The following CIMIP2C variants were observed in gnomAD, a reference collection of about 807,000 sequenced individuals.
CIMIP2C encodes the protein ciliary microtubule inner protein 2C.
chr2:26,577,455 GGTGCCTGTGGTCA>G, the CIMIP2C span: 1 of 1,427,122 alleles, frequency 7.0e-7, no homozygotes, highest in African/African-American at 1.4e-5. Context: ...ATGGACTGCA[GGTGCCTGTGGTCA>G]GTCCTGTGCA....
At chr2:26,562,592 C>G in the CIMIP2C span, 1 of 1,561,138 alleles carries the variant, frequency 6.4e-7, no homozygotes. Context: ...GCGCCAGGCT[C>G]GCTGTACTCG....
chr2:26,579,193 T>G, the CIMIP2C span: 18 of 1,432,410 alleles, frequency 1.3e-5, no homozygotes, highest in Admixed American at 2.0e-5. Context: ...AGCCGGCAGG[T>G]CAGCTTGAGC....
the CIMIP2C span, chr2:26,577,492 A>G: frequency 1.9e-6 from 3 of 1,603,856 alleles, no homozygotes; most frequent in African/African-American, 1.3e-5. Flanking sequence ...ACAACCTGTC[A>G]TCTCTTCCTT....
At chr2:26,572,257 C>A in the CIMIP2C span, 2 of 1,112,214 alleles carry the variant, frequency 1.8e-6, no homozygotes, top group Non-Finnish European at 2.5e-6. Context: ...CTGTAACTAG[C>A]ATTCACCTAG....
At chr2:26,575,898 G>T in the CIMIP2C span, 2 of 1,611,308 alleles carry the variant, frequency 1.2e-6, no homozygotes, top group African/African-American at 1.3e-5. Context: ...ACCGTGATCG[G>T]CAGGTACCAG....
chr2:26,577,457 T>G, the CIMIP2C span: 1 of 1,435,662 alleles, frequency 7.0e-7, no homozygotes, highest in African/African-American at 1.4e-5. Context: ...GGACTGCAGG[T>G]GCCTGTGGTC....
At chr2:26,565,951 G>C in the CIMIP2C span, among the ~76,000 whole-genome samples, 1 of 152,226 alleles carries the variant, frequency 6.6e-6, no homozygotes, top group Non-Finnish European at 1.5e-5. Flanking sequence ...CCTACGCCTG[G>C]CCTGGGTGCT....
At chr2:26,570,386 G>T in the CIMIP2C span, among the ~76,000 whole-genome samples, 1 of 152,244 alleles carries the variant, frequency 6.6e-6, no homozygotes, top group Non-Finnish European at 1.5e-5. Flanking sequence ...TGCCCCCAGA[G>T]TTTCTGGAAT....
At chr2:26,572,878 C>G in the CIMIP2C span, among the ~76,000 whole-genome samples, 1 of 152,258 alleles carries the variant, frequency 6.6e-6, no homozygotes, top group South Asian at 2.1e-4. Context: ...CTCCCCTCCA[C>G]GTGGGAGGAG....
At chr2:26,570,229 G>A in the CIMIP2C span, among the ~76,000 whole-genome samples, 5 of 152,180 alleles carry the variant, frequency 3.3e-5, no homozygotes, top group Non-Finnish European at 7.4e-5. Context: ...GCTTGGGGGC[G>A]GAGAGAAGAA....
At chr2:26,574,431 C>T in the CIMIP2C span, among the ~76,000 whole-genome samples, 3 of 148,190 alleles carry the variant, frequency 2.0e-5, no homozygotes, top group African/African-American at 7.5e-5. Flanking sequence ...CAGTTTCTGA[C>T]TTGGATGGCT....
chr2:26,572,176 C>T, the CIMIP2C span: 1 of 1,514,544 alleles, frequency 6.6e-7, no homozygotes, highest in Non-Finnish European at 8.8e-7. Flanking sequence ...ATCTCCCCTC[C>T]ACCCACCCCC....
chr2:26,570,040 G>A, the CIMIP2C span, among the ~76,000 whole-genome samples: 1 of 152,186 alleles, frequency 6.6e-6, no homozygotes, highest in Non-Finnish European at 1.5e-5. Flanking sequence ...ATGTGAACCT[G>A]CCCATGTGTG....
the CIMIP2C span, among the ~76,000 whole-genome samples, chr2:26,570,207 G>A: frequency 1.3e-5 from 2 of 152,364 alleles, no homozygotes; most frequent in South Asian, 4.1e-4. Flanking sequence ...CAGAGGAGGA[G>A]TATGGCAGAG....
At chr2:26,570,118 G>A in the CIMIP2C span, among the ~76,000 whole-genome samples, 1 of 152,246 alleles carries the variant, frequency 6.6e-6, no homozygotes, top group African/African-American at 2.4e-5. Context: ...CAGAACTCAG[G>A]AGGATTGCGG....
chr2:26,562,815 G>T, the CIMIP2C span: 1 of 781,282 alleles, frequency 1.3e-6, no homozygotes, highest in African/African-American at 1.8e-5. Flanking sequence ...CCACCCGACG[G>T]GGCGAGGGGC....
the CIMIP2C span, among the ~76,000 whole-genome samples, chr2:26,572,738 C>T: frequency 5.3e-5 from 8 of 152,212 alleles, no homozygotes; most frequent in Admixed American, 2.0e-4. Context: ...CTCCTCCCCA[C>T]GGGCAGAGCC....
the CIMIP2C span, among the ~76,000 whole-genome samples, chr2:26,566,140 G>A: frequency 6.6e-6 from 1 of 152,194 alleles, no homozygotes; most frequent in Non-Finnish European, 1.5e-5. Context: ...GCAGACACTT[G>A]GCCTGCGCCA....
chr2:26,567,439 A>G, the CIMIP2C span, among the ~76,000 whole-genome samples: 1 of 152,250 alleles, frequency 6.6e-6, no homozygotes, highest in Admixed American at 6.5e-5. Context: ...ACCCTGCAGA[A>G]CTATTAGTCA....
Sources: gnomAD v4.1 joint callset for allele counts (sites outside exome capture counted in the v4.1 genomes callset) on GRCh38, gnomAD v4.1.1 for gene constraint, MANE v1.5 for transcripts, NCBI Gene and HGNC (gene_info 2026-07-23, HGNC 2026-07-21) for gene names.